The following SSX2IP variants were observed in gnomAD, a reference collection of about 807,000 sequenced individuals.
SSX2IP encodes the protein SSX family member 2 interacting protein.
In SSX2IP, 55 loss-of-function variants were observed where a neutral mutation model predicts 84.9. The ratio of observed to expected loss-of-function variants is 0.65; its 90% CI spans 0.52 to 0.81. The LOEUF is 0.81. SSX2IP is among the 30% of genes least tolerant of loss of function. The pLI, the probability that SSX2IP is intolerant of heterozygous loss-of-function variation, is 0.00. For missense variants in SSX2IP, 664 were observed against 705.2 expected, an observed-to-expected ratio of 0.94 and a Z score of 0.66; for synonymous variants, 239 against 234.7, an observed-to-expected ratio of 1.02 and a Z score of -0.17.
At chr1:84,658,704 T>G (rs994132647) in intron 8 of SSX2IP, among the ~76,000 whole-genome samples, 1 of 152,224 alleles carries the variant, frequency 6.6e-6, no homozygotes, top group Admixed American at 6.5e-5. Context: ...ACAAGAGTCA[T>G]GAAGCTGTCT....
In SSX2IP at chr1:84,671,321, A is replaced by C. The variant is rs1288547393; in HGVS notation, c.-89-13T>G. 6.6e-7 allele frequency: 1 copy of C among 1,525,906 alleles called. No homozygotes were observed. The highest frequency in any genetic ancestry group is 1.4e-5 in the African/African-American group (1 of 71,218). The allele number at this position is 1,525,906 out of a possible 1,614,324, so 94.5% of individuals were successfully genotyped here. The stretch of plus-strand genomic sequence containing the variant: ...ATGTAGGCATCTCCTTAAAAAGCAG[A>C]TTATAGAATAATAGCATCTAATTTA... On this transcript the variant is annotated splice_polypyrimidine_tract_variant and intron_variant, in intron 1 of 13. Coordinates refer to ENST00000342203, the MANE Select transcript of SSX2IP (RefSeq NM_001166293.2).
intron 10 of SSX2IP, 42 bp from the exon 11 acceptor site, chr1:84,656,047 C>A: frequency 6.5e-7 from 1 of 1,544,408 alleles, no homozygotes; most frequent in Non-Finnish European, 8.8e-7. Context: ...AGGGACCTTG[C>A]GACACTCCAA....
intron 8 of SSX2IP, among the ~76,000 whole-genome samples, chr1:84,660,819 G>A: frequency 6.7e-6 from 1 of 148,982 alleles, no homozygotes; most frequent in South Asian, 2.1e-4. Context: ...TTGGGAGGCT[G>A]AGGCAGGCGG....
At position 84,681,737 on chromosome 1, in the gene SSX2IP, C is replaced by T. The variant is rs567336271; in HGVS notation, c.-90+8634G>A. On this transcript the variant is annotated intron_variant, in intron 1 of 13. Transcript: ENST00000342203. ...CCCTGTCCTTGAGTGGAAATCTCGACTTAGACAAATCCCACCAATCAGGTA... is the reference window on the plus strand; with the variant it reads ...CCCTGTCCTTGAGTGGAAATCTCGATTTAGACAAATCCCACCAATCAGGTA... Among the ~76,000 whole-genome samples the T allele has an allele frequency of 1.6e-4, 25 of 152,318 alleles. 1 individual carries two copies. Among genetic ancestry groups the T allele is most frequent in the African/African-American group, 6.0e-4 (25 of 41,574 alleles).
rs1260926588 is a variant in SSX2IP at position 84,662,520 on chromosome 1, A to C, written c.684T>G (p.Ile228Met). 6.2e-7 allele frequency: 1 copy of C among 1,613,878 alleles called. No homozygotes were observed. Among genetic ancestry groups the C allele is most frequent in the Non-Finnish European group, 8.5e-7 (1 of 1,179,876 alleles). Residue 228 changes from isoleucine (I) to methionine (M), a missense_variant, in exon 7 of 14, where the codon ATT (isoleucine) becomes ATG (methionine). Ile to Met is a conservative substitution (Grantham distance 10). Transcript: ENST00000342203. ...NKKDKKIAMD[I>M]LNYVGRADGK... is the part of the protein sequence containing the mutation. The stretch of plus-strand genomic sequence containing the variant: ...CATCAGCTCTCCCGACATAATTCAA[A>C]ATGTCCATAGCTACAAACATGAACA...
chr1:84,670,802 G>T lies in SSX2IP; in HGVS notation c.57C>A (p.Ile19=). 1 of 1,605,546 alleles carries T rather than the reference G, an allele frequency of 6.2e-7. No individual in the cohort carries two copies. The highest frequency in any genetic ancestry group is 8.5e-7 in the Non-Finnish European group (1 of 1,176,598). ...DPGLSSESKT[I]SQYTSETKMS... ...TCTTTGTTTCTGAGGTATATTGAGA[G>T]ATAGTTTTGCTTTCTGAAAGAATAA... The change falls in exon 3 of 14, where the codon ATC becomes ATA. Residue 19 remains isoleucine, a synonymous_variant. Transcript: ENST00000342203.
chr1:84,678,318 T>A (rs1316241651), intron 1 of SSX2IP, among the ~76,000 whole-genome samples: 2 of 152,212 alleles, frequency 1.3e-5, no homozygotes, highest in East Asian at 3.8e-4. Flanking sequence ...GAGTCCCACT[T>A]GTGGCACACT....
At chr1:84,665,148 T>C (rs979052826) in intron 5 of SSX2IP, among the ~76,000 whole-genome samples, 2 of 152,192 alleles carry the variant, frequency 1.3e-5, no homozygotes, top group African/African-American at 4.8e-5. Flanking sequence ...TGTCCTATTC[T>C]TTTATAAAGC....
chr1:84,659,533 T>C, intron 8 of SSX2IP, among the ~76,000 whole-genome samples: 1 of 152,172 alleles, frequency 6.6e-6, no homozygotes, highest in Non-Finnish European at 1.5e-5. Flanking sequence ...CGGTGGCTCA[T>C]GCCTGTATGT....
chr1:84,676,189 CATTT>C (rs1266244527), intron 1 of SSX2IP, among the ~76,000 whole-genome samples: 2 of 152,152 alleles, frequency 1.3e-5, no homozygotes, highest in African/African-American at 4.8e-5. Context: ...GCATTTCATT[CATTT>C]AAGATTGTCA....
Position 84,670,797 on chromosome 1 carries a change from T to C in SSX2IP, c.62A>G (p.Gln21Arg), listed in dbSNP as rs766512280. 6.2e-7 allele frequency: 1 copy of C among 1,607,744 alleles called. No individual in the cohort carries two copies. The highest frequency in any genetic ancestry group is 8.5e-7 in the Non-Finnish European group (1 of 1,177,592). Reference sequence around the variant, plus strand: ...AGACATCTTTGTTTCTGAGGTATATTGAGAGATAGTTTTGCTTTCTGAAAG... The same window carrying C: ...AGACATCTTTGTTTCTGAGGTATATCGAGAGATAGTTTTGCTTTCTGAAAG... ...GLSSESKTISQYTSETKMSPS... is the reference protein window; with the variant it reads ...GLSSESKTISRYTSETKMSPS... The change falls in exon 3 of 14, where the codon CAA becomes CGA. Residue 21 changes from glutamine (Q) to arginine (R), a missense_variant. Coordinates refer to ENST00000342203, the MANE Select transcript of SSX2IP (RefSeq NM_001166293.2).
intron 11 of SSX2IP, among the ~76,000 whole-genome samples, chr1:84,653,823 G>A (rs181744945): frequency 1.3e-5 from 2 of 152,188 alleles, no homozygotes; most frequent in East Asian, 3.9e-4. Context: ...ATGGATAAGA[G>A]ATAATTCAAC....
Position 84,659,796 on chromosome 1 carries a change from C to CAAA in SSX2IP, c.928-1331_928-1329dup, listed in dbSNP as rs35920871. 2.9e-3 allele frequency among the ~76,000 whole-genome samples: 367 copies of CAAA among 128,696 alleles called. 1 individual carries two copies. Among genetic ancestry groups the CAAA allele is most frequent in the East Asian group, 1.5e-3 (7 of 4,634 alleles). The allele number at this position is 128,696 out of a possible 152,430, so 84.4% of individuals were successfully genotyped here. A position where few individuals can be genotyped will look rare whatever the true frequency, so the allele number is the denominator to read the frequency against. ...CTGGCGACAGAGTGAGACTCCATCT[C>CAAA]AAAAAAAAAAAAAAGAAAGAAAAAT... On this transcript the variant is annotated intron_variant, in intron 8 of 13. Coordinates refer to ENST00000342203, the MANE Select transcript of SSX2IP (RefSeq NM_001166293.2).
chr1:84,664,622 TCATCTCCC>T, intron 5 of SSX2IP, 70 bp from the exon 6 acceptor site: 1 of 1,346,260 alleles, frequency 7.4e-7, no homozygotes, highest in East Asian at 2.6e-5. Context: ...ATCCTAAAAT[TCATCTCCC>T]CATATAGGTT....
At position 84,690,433 on chromosome 1, in the gene SSX2IP, C is replaced by G. The variant is rs1409416703; in HGVS notation, c.-152G>C. The G allele has an allele frequency of 6.6e-6, 1 of 151,544 alleles. No individual in the cohort carries two copies. The highest frequency in any genetic ancestry group is 1.5e-5 in the Non-Finnish European group (1 of 67,858). 9.4% of individuals were successfully genotyped at this position (151,544 alleles called of 1,614,324 possible). A position where few individuals can be genotyped will look rare whatever the true frequency, so the allele number is the denominator to read the frequency against. On this transcript the variant is annotated 5_prime_UTR_variant, in exon 1 of 14. Coordinates refer to ENST00000342203, the MANE Select transcript of SSX2IP (RefSeq NM_001166293.2). Reference sequence around the variant, plus strand: ...GGCGTCCTAGCCCGGCTCCCGCAGCCCGAGGGCCAGCAGCGCCTCGCAGCG... The same window carrying G: ...GGCGTCCTAGCCCGGCTCCCGCAGCGCGAGGGCCAGCAGCGCCTCGCAGCG...
intron 8 of SSX2IP, among the ~76,000 whole-genome samples, chr1:84,660,813 G>C (rs1482588942): frequency 6.7e-6 from 1 of 149,918 alleles, no homozygotes; most frequent in Non-Finnish European, 1.5e-5. Context: ...AGCACTTTGG[G>C]AGGCTGAGGC....
In SSX2IP at chr1:84,671,321, A is replaced by AAAC; in HGVS notation, c.-89-14_-89-13insGTT. 6.6e-7 allele frequency: 1 copy of AAAC among 1,526,024 alleles called. No homozygotes were observed. Among genetic ancestry groups the AAAC allele is most frequent in the South Asian group, 1.3e-5 (1 of 77,078 alleles). The allele number at this position is 1,526,024 out of a possible 1,614,324, so 94.5% of individuals were successfully genotyped here. ...ATGTAGGCATCTCCTTAAAAAGCAG[A>AAAC]TTATAGAATAATAGCATCTAATTTA... On this transcript the variant is annotated splice_polypyrimidine_tract_variant and intron_variant, in intron 1 of 13. Coordinates refer to ENST00000342203, the MANE Select transcript of SSX2IP (RefSeq NM_001166293.2).
intron 8 of SSX2IP, among the ~76,000 whole-genome samples, chr1:84,659,974 C>G (rs1651699199): frequency 6.6e-6 from 1 of 152,002 alleles, no homozygotes; most frequent in African/African-American, 2.4e-5. Flanking sequence ...AGTTCGAGAC[C>G]AGCCTGGGCA....
chr1:84,687,513 A>T (rs1357470571), intron 1 of SSX2IP, among the ~76,000 whole-genome samples: 1 of 152,106 alleles, frequency 6.6e-6, no homozygotes, highest in Non-Finnish European at 1.5e-5. Context: ...TTTAATTTGT[A>T]TCCCTATTCT....
Sources: allele counts gnomAD v4.1 joint callset (sites outside exome capture counted in the v4.1 genomes callset), GRCh38; gene constraint gnomAD v4.1.1; transcripts MANE v1.5; gene names NCBI Gene and HGNC (gene_info 2026-07-23, HGNC 2026-07-21).